SCN9A: variants seen among roughly 807,000 people sequenced by gnomAD.
SCN9A encodes the protein sodium channel protein type 9 subunit alpha.
A neutral mutation model predicts 187.0 loss-of-function variants in SCN9A; 131 were observed. The ratio of observed to expected loss-of-function variants is 0.70; its 90% CI spans 0.61 to 0.81. SCN9A has a LOEUF of 0.81. SCN9A is among the 30% of genes least tolerant of loss of function. SCN9A has a pLI of 0.00. For missense variants in SCN9A, 2,252 were observed against 2,396.6 expected, an observed-to-expected ratio of 0.94 and a Z score of 1.26; for synonymous variants, 809 against 808.6, an observed-to-expected ratio of 1.00 and a Z score of -0.01.
rs779681069 is a variant in SCN9A at position 166,336,251 on chromosome 2, T to C, written c.-50-24445A>G. Among the ~76,000 whole-genome samples, 46 of 152,144 alleles carry C rather than the reference T, an allele frequency of 3.0e-4. 1 individual carries two copies. The highest frequency in any genetic ancestry group is 5.3e-4 in the Non-Finnish European group (36 of 68,020). On this transcript the variant is annotated intron_variant, in intron 1 of 26. Transcript: ENST00000642356. ...TTGGCTAATGTTGGCATTTAAGCGA[T>C]TTAATCACCAATTACTGTCGCAGAA...
At chr2:166,249,571 G>A (rs1179480918) in intron 18 of SCN9A, among the ~76,000 whole-genome samples, 3 of 151,990 alleles carry the variant, frequency 2.0e-5, no homozygotes, top group African/African-American at 4.8e-5. Context: ...AAATTTCAAT[G>A]GTCCAAGCCC....
At chr2:166,375,237 C>A (rs949949656) in intron 1 of SCN9A, among the ~76,000 whole-genome samples, 1 of 152,120 alleles carries the variant, frequency 6.6e-6, no homozygotes, top group East Asian at 1.9e-4. Flanking sequence ...TTTCTGTCCC[C>A]ACAGGTTGTA....
chr2:166,274,696 T>C (rs1697152767), intron 16 of SCN9A, among the ~76,000 whole-genome samples: 1 of 152,220 alleles, frequency 6.6e-6, no homozygotes, highest in African/African-American at 2.4e-5. Flanking sequence ...TAAAGAATAA[T>C]AATATGAGTT....
At chr2:166,303,355 A>G in intron 6 of SCN9A, 53 bp from the exon 7 acceptor site, 11 of 1,355,704 alleles carry the variant, frequency 8.1e-6, no homozygotes, top group Non-Finnish European at 1.1e-5. Flanking sequence ...CTGAATCGAA[A>G]CAAAAAACAC....
At chr2:166,207,244 G>A (rs964538988) in intron 24 of SCN9A, among the ~76,000 whole-genome samples, 23 of 152,178 alleles carry the variant, frequency 1.5e-4, no homozygotes, top group Non-Finnish European at 2.8e-4. Context: ...TAGGGTGCTG[G>A]AATTAAAGAT....
rs67225403 is a variant in SCN9A, at chr2:166,275,583, CA to C, written c.2874+1399del. ...TGGGCAACAAAGCGAGATTCCATCTCAAAAAAAAAAAAAATACACAAGCAAA... is the reference window on the plus strand; with the variant it reads ...TGGGCAACAAAGCGAGATTCCATCTCAAAAAAAAAAAAATACACAAGCAAA... On this transcript the variant is annotated intron_variant, in intron 16 of 26. Transcript: ENST00000642356. Among the ~76,000 whole-genome samples the C allele has an allele frequency of 7.9e-3, 755 of 95,038 alleles. 2 individuals carry two copies. The highest frequency in any genetic ancestry group is 0.02 in the African/African-American group (491 of 25,070). The allele number at this position is 95,038 out of a possible 152,430, so 62.3% of individuals were successfully genotyped here.
At chr2:166,353,894 C>T (rs954868678) in intron 1 of SCN9A, among the ~76,000 whole-genome samples, 1 of 152,142 alleles carries the variant, frequency 6.6e-6, no homozygotes, top group Non-Finnish European at 1.5e-5. Flanking sequence ...CAAGGTATAA[C>T]ATGATATCTG....
In SCN9A at chr2:166,307,041, A is replaced by T. The variant is rs531083937; in HGVS notation, c.292T>A (p.Phe98Ile). The T allele has an allele frequency of 6.2e-7, 1 of 1,611,238 alleles. No homozygotes were observed. Among genetic ancestry groups the T allele is most frequent in the South Asian group, 1.1e-5 (1 of 90,928 alleles). Residue 98 changes from phenylalanine (F) to isoleucine (I), a missense_variant, in exon 3 of 27, where the codon TTC becomes ATC. Physicochemically the swap from Phe to Ile is conservative, Grantham distance 21. Around this residue, in one of 7 missense-constraint regions of SCN9A, gnomAD observed 1,013 missense variants for 997.4 expected, o/e 1.02. Coordinates refer to ENST00000642356, the MANE Select transcript of SCN9A (RefSeq NM_001365536.1). Reference protein sequence around the residue: ...FIVLNKGKTIFRFNATPALYM... With the variant: ...FIVLNKGKTIIRFNATPALYM... Reference sequence around the variant, plus strand: ...AAAGCAGGTGTGGCATTGAAACGGAAGATTGTTTTCCCTTTGTTCAATACT... The same window carrying T: ...AAAGCAGGTGTGGCATTGAAACGGATGATTGTTTTCCCTTTGTTCAATACT...
rs550870131 is a variant in SCN9A at position 166,268,664 on chromosome 2, A to T, written c.3351+3735T>A. ...ACATTTTAATCTGAAGAGGCTGGAA[A>T]GAAAGACCTTAGATGTAAGGTTTTT... On this transcript the variant is annotated intron_variant, in intron 17 of 26. Transcript: ENST00000642356. Among the ~76,000 whole-genome samples the T allele has an allele frequency of 3.3e-5, 5 of 152,138 alleles. No individual in the cohort carries two copies. In the South Asian group the frequency reaches 1.0e-3, roughly 32 times the overall value.
At chr2:166,303,976 T>C (rs146453073) in intron 6 of SCN9A, 72 of 1,512,200 alleles carry the variant, frequency 4.8e-5, no homozygotes, top group Non-Finnish European at 6.3e-5. Flanking sequence ...AGGTTTTTTT[T>C]ATGTCTTTCT....
At chr2:166,265,218 C>T (rs771914017) in intron 17 of SCN9A, among the ~76,000 whole-genome samples, 1 of 151,894 alleles carries the variant, frequency 6.6e-6, no homozygotes, top group African/African-American at 2.4e-5. Flanking sequence ...CACCTCGCTC[C>T]TCCAAGCCTC....
chr2:166,328,306 T>C (rs1159804371), intron 1 of SCN9A, among the ~76,000 whole-genome samples: 1 of 152,096 alleles, frequency 6.6e-6, no homozygotes, highest in African/African-American at 2.4e-5. Context: ...GTTTGTTACA[T>C]AGGTAAACTT....
At chr2:166,329,289 A>G (rs1197308220) in intron 1 of SCN9A, among the ~76,000 whole-genome samples, 1 of 152,164 alleles carries the variant, frequency 6.6e-6, no homozygotes, top group East Asian at 1.9e-4. Context: ...CCAAAACAAA[A>G]TGAAGGTAGT....
At position 166,303,111 on chromosome 2, in the gene SCN9A, C is replaced by T. The variant is rs1553495086; in HGVS notation, c.880G>A (p.Glu294Lys). Residue 294 changes from glutamate (E) to lysine (K), a missense_variant, in exon 7 of 27, where the codon GAG becomes AAG. Physicochemically the swap from Glu to Lys is moderately conservative, Grantham distance 56 (BLOSUM62 1). Coordinates refer to ENST00000642356, the MANE Select transcript of SCN9A (RefSeq NM_001365536.1). ...ETLESIMNTL[E>K]SEEDFRKYFY... Reference sequence around the variant, plus strand: ...TTACTTCTAAAGTCTTCTTCACTCTCTAGGGTATTCATTATGCTTTCTAAT... The same window carrying T: ...TTACTTCTAAAGTCTTCTTCACTCTTTAGGGTATTCATTATGCTTTCTAAT... 6.2e-7 allele frequency: 1 copy of T among 1,603,748 alleles called. No individual in the cohort carries two copies.
Position 166,277,166 on chromosome 2 carries a change from G to A in SCN9A, c.2691C>T (p.Cys897=), listed in dbSNP as rs1060504427. The change falls in exon 16 of 27, where the codon TGC becomes TGT. Residue 897 remains cysteine (C), a synonymous_variant. Coordinates refer to ENST00000642356, the MANE Select transcript of SCN9A (RefSeq NM_001365536.1). ...GGAGCGTACAGTCATCATTGATCTT[G>A]CAGACACATTCTTTGTAGCTCTTAC... ...LFGKSYKECV[C]KINDDCTLPR... is the part of the protein sequence containing the mutation. 1.9e-6 allele frequency: 3 copies of A among 1,613,902 alleles called. No individual in the cohort carries two copies. The highest frequency in any genetic ancestry group is 2.5e-6 in the Non-Finnish European group (3 of 1,179,990).
chr2:166,238,999 T>C (rs1695442856), intron 19 of SCN9A, among the ~76,000 whole-genome samples: 1 of 152,218 alleles, frequency 6.6e-6, no homozygotes, highest in African/African-American at 2.4e-5. Context: ...TACGCTTTAC[T>C]GTTACTAATT....
At chr2:166,254,973 A>C (rs1696203334) in intron 17 of SCN9A, among the ~76,000 whole-genome samples, 1 of 151,448 alleles carries the variant, frequency 6.6e-6, no homozygotes, top group Non-Finnish European at 1.5e-5. Flanking sequence ...TGCCTTCTAA[A>C]AGTGTTTTAA....
chr2:166,201,889 AC>A (rs948275499), intron 26 of SCN9A, among the ~76,000 whole-genome samples: 2 of 151,464 alleles, frequency 1.3e-5, no homozygotes, highest in African/African-American at 4.8e-5. Context: ...GAAAACATCT[AC>A]TATTGTAATT....
At chr2:166,236,795 G>A (rs1357846212) in intron 20 of SCN9A, among the ~76,000 whole-genome samples, 1 of 152,126 alleles carries the variant, frequency 6.6e-6, no homozygotes, top group Non-Finnish European at 1.5e-5. Flanking sequence ...GACTAATTTG[G>A]TAACATTTTG....
Sources: allele counts gnomAD v4.1 joint callset (sites outside exome capture counted in the v4.1 genomes callset), GRCh38; gene constraint gnomAD v4.1.1; regional missense constraint gnomAD v4.1.1; transcripts MANE v1.5; gene names NCBI Gene and HGNC (gene_info 2026-07-23, HGNC 2026-07-21).